Variants in PCDHGB1 observed in about 807,000 individuals in gnomAD.
PCDHGB1 encodes the protein protocadherin gamma subfamily B, 1.
A neutral mutation model predicts 56.6 loss-of-function variants in PCDHGB1; 34 were observed. That is an observed-to-expected ratio of 0.60 (90% CI 0.46 to 0.80). The LOEUF (loss-of-function observed/expected upper bound fraction) is 0.80. PCDHGB1 is among the 30% of genes least tolerant of loss of function. PCDHGB1 has a pLI of 0.00. For missense variants in PCDHGB1, 1,278 were observed against 1,204.6 expected (o/e 1.06, Z -0.90); for synonymous variants, 561 against 505.9 (o/e 1.11, Z -1.46).
At chr5:141,406,332 G>A (rs957923011) in intron 1 of PCDHGB1, among the ~76,000 whole-genome samples, 4 of 152,142 alleles carry the variant, frequency 2.6e-5, no homozygotes, top group East Asian at 1.9e-4. Context: ...TTACTCCTAC[G>A]ATCATTTATT....
intron 1 of PCDHGB1, chr5:141,439,815 T>C (rs1027862858): frequency 5.3e-5 from 8 of 152,314 alleles, no homozygotes; most frequent in African/African-American, 1.9e-4. Flanking sequence ...AAGGGGCTTA[T>C]TTGGGCTGGA....
At chr5:141,418,349 A>G in intron 1 of PCDHGB1, 1 of 1,614,016 alleles carries the variant, frequency 6.2e-7, no homozygotes, top group South Asian at 1.1e-5. Context: ...TGATATTAGT[A>G]TGAATTCGCT....
chr5:141,351,336 G>A lies in PCDHGB1; in HGVS notation c.1076G>A (p.Gly359Glu), dbSNP rs1438801220. 1.9e-6 allele frequency: 3 copies of A among 1,613,598 alleles called. No individual in the cohort carries two copies. The highest frequency in any genetic ancestry group is 1.7e-6 in the Non-Finnish European group (2 of 1,179,712). Reference sequence around the variant, plus strand: ...CAGATTCCAGAGGATTCAGACCTTGGAACTGTAATAGCCCTCATAAAAGTG... The same window carrying A: ...CAGATTCCAGAGGATTCAGACCTTGAAACTGTAATAGCCCTCATAAAAGTG... ...SNQIPEDSDLGTVIALIKVRD... is the reference protein window; with the variant it reads ...SNQIPEDSDLETVIALIKVRD... Residue 359 changes from glycine to glutamate, a missense_variant, in exon 1 of 4, where the codon GGA becomes GAA. By Grantham distance (98) the Gly-to-Glu change is moderately conservative. Transcript: ENST00000523390.
At chr5:141,436,042 T>A (rs1246680632) in intron 1 of PCDHGB1, among the ~76,000 whole-genome samples, 4 of 152,182 alleles carry the variant, frequency 2.6e-5, no homozygotes, top group Non-Finnish European at 5.9e-5. Context: ...TGTATTTACA[T>A]TAGTTTTCAA....
At chr5:141,411,955 A>G (rs1427605209) in intron 1 of PCDHGB1, 2 of 152,244 alleles carry the variant, frequency 1.3e-5, no homozygotes, top group Admixed American at 6.5e-5. Context: ...TTTGAAGAAA[A>G]AAGATAAAAT....
intron 1 of PCDHGB1, among the ~76,000 whole-genome samples, chr5:141,358,380 A>G (rs58934519): frequency 0.08 from 12,098 of 152,164 alleles, 632 homozygotes; most frequent in African/African-American, 0.15. Flanking sequence ...ACACTCTACC[A>G]TGCTTTGCTT....
chr5:141,412,285 C>T (rs957716949), intron 1 of PCDHGB1: 3 of 152,194 alleles, frequency 2.0e-5, no homozygotes, highest in Non-Finnish European at 4.4e-5. Context: ...TCAAATTCTA[C>T]GTATTTCTTT....
chr5:141,502,655 C>T (rs72790073), intron 2 of PCDHGB1, among the ~76,000 whole-genome samples: 29,437 of 152,034 alleles, frequency 0.19, 2,877 homozygotes, highest in Middle Eastern at 0.24. Context: ...AGGCAGCAAC[C>T]CTTCATGCAA....
At chr5:141,501,016 G>A (rs1042009106) in intron 2 of PCDHGB1, among the ~76,000 whole-genome samples, 7 of 151,716 alleles carry the variant, frequency 4.6e-5, no homozygotes, top group Non-Finnish European at 1.0e-4. Context: ...CTACAGGCAC[G>A]CGCCACCACG....
At chr5:141,394,705 C>A (rs1245348426) in intron 1 of PCDHGB1, 1 of 1,613,256 alleles carries the variant, frequency 6.2e-7, no homozygotes, top group African/African-American at 1.3e-5. Context: ...ACGGCGCGAG[C>A]CCTGCTGGAC....
rs1028054307 is a variant in PCDHGB1 at position 141,417,708 on chromosome 5, G to A, written c.2409+65039G>A. The A allele has an allele frequency of 2.4e-5, 29 of 1,227,762 alleles. No homozygotes were observed. In the South Asian group the frequency reaches 2.9e-4, roughly 12 times the overall value. 76.1% of individuals were successfully genotyped at this position (1,227,762 alleles called of 1,614,324 possible). On this transcript the variant is annotated intron_variant, in intron 1 of 3. Transcript: ENST00000523390. ...AAAGAAAACCAGCTCCCACACAGAG[G>A]CTCCCGGCTGCGCAGACCTTGCCCA... is the stretch of plus-strand genomic sequence containing the variant.
chr5:141,426,375 G>A, intron 1 of PCDHGB1: 2 of 216,424 alleles, frequency 9.2e-6, no homozygotes, highest in South Asian at 7.8e-5. Flanking sequence ...GGGCACCCTC[G>A]GAGCAGATCC....
intron 1 of PCDHGB1, among the ~76,000 whole-genome samples, chr5:141,381,018 ATTAG>A (rs1442442460): frequency 4.6e-5 from 7 of 152,398 alleles, no homozygotes; most frequent in Admixed American, 1.3e-4. Context: ...TAATACCTCT[ATTAG>A]TTCCTTTAAA....
chr5:141,497,954 G>A (rs1203635313), intron 2 of PCDHGB1, among the ~76,000 whole-genome samples: 7 of 152,198 alleles, frequency 4.6e-5, no homozygotes, highest in Non-Finnish European at 1.5e-5. Context: ...CTTTCTGTTG[G>A]CCAGGCAGTG....
Position 141,356,831 on chromosome 5 carries a change from G to T in PCDHGB1, c.2409+4162G>T, listed in dbSNP as rs763145787. ...GACAGTGGAGACCCTCCACTCAGCA[G>T]CAATGTGTCACTGAGCCTCTTTGTG... On this transcript the variant is annotated intron_variant, in intron 1 of 3. Transcript: ENST00000523390. 40 of 1,614,030 alleles carry T rather than the reference G, an allele frequency of 2.5e-5. No individual in the cohort carries two copies. The highest frequency in any genetic ancestry group is 3.2e-5 in the Non-Finnish European group (38 of 1,180,004).
chr5:141,467,764 TGCCCGCACCTCA>T (rs544344217), intron 1 of PCDHGB1, among the ~76,000 whole-genome samples: 90 of 152,158 alleles, frequency 5.9e-4, no homozygotes, highest in South Asian at 1.0e-3. Context: ...CATGCTCAAG[TGCCCGCACCTCA>T]GCCTCTCAAG....
chr5:141,451,908 G>C (rs899191624), intron 1 of PCDHGB1, among the ~76,000 whole-genome samples: 1 of 152,046 alleles, frequency 6.6e-6, no homozygotes, highest in Non-Finnish European at 1.5e-5. Flanking sequence ...AAGGGAGGGA[G>C]GGAGGAAGGA....
chr5:141,399,355 C>A (rs1437917208), intron 1 of PCDHGB1: 1 of 1,614,006 alleles, frequency 6.2e-7, no homozygotes, highest in South Asian at 1.1e-5. Flanking sequence ...AGACCGAGAG[C>A]AAACCCCGGA....
At chr5:141,430,883 G>T in intron 1 of PCDHGB1, 1 of 1,601,036 alleles carries the variant, frequency 6.2e-7, no homozygotes, top group Non-Finnish European at 8.5e-7. Context: ...GCTGGAGAAA[G>T]GCTCTAGGGT....
Sources: gnomAD v4.1 joint callset for allele counts (sites outside exome capture counted in the v4.1 genomes callset) on GRCh38, gnomAD v4.1.1 for gene constraint, MANE v1.5 for transcripts, NCBI Gene and HGNC (gene_info 2026-07-23, HGNC 2026-07-21) for gene names.